Variants in NRXN1 observed in about 807,000 individuals in gnomAD.
The protein encoded by NRXN1 is neurexin 1, also known as neurexin-1.
NRXN1 carries 39 observed loss-of-function variants against 150.9 expected under a neutral mutation model. The observed-to-expected ratio is 0.26, with a 90% CI of 0.20 to 0.34. NRXN1 has a LOEUF of 0.34. Ranked by LOEUF, NRXN1 falls within the 10% of genes least tolerant of loss-of-function variation. The pLI is 1.00. For missense variants in NRXN1, 1,815 were observed against 1,949.9 expected, an observed-to-expected ratio of 0.93 and a Z score of 1.30; for synonymous variants, 924 against 757.0, an observed-to-expected ratio of 1.22 and a Z score of -3.62.
chr2:50,049,800 A>T (rs561050443), intron 21 of NRXN1, among the ~76,000 whole-genome samples: 1 of 152,154 alleles, frequency 6.6e-6, no homozygotes, highest in Admixed American at 6.5e-5. Flanking sequence ...CAGCCAAAAA[A>T]CTTGCATGAT....
At chr2:50,795,757 T>C (rs1394579833) in intron 5 of NRXN1, among the ~76,000 whole-genome samples, 1 of 152,194 alleles carries the variant, frequency 6.6e-6, no homozygotes, top group East Asian at 1.9e-4. Context: ...TACTCCTTGC[T>C]TCATTAATTA....
At chr2:51,011,287 T>C (rs373885469) in intron 2 of NRXN1, among the ~76,000 whole-genome samples, 2 of 152,032 alleles carry the variant, frequency 1.3e-5, no homozygotes, top group South Asian at 2.1e-4. Flanking sequence ...CTAACGTTTA[T>C]TGAACTCCTA....
At chr2:50,262,145 C>G (rs192820893) in intron 17 of NRXN1, among the ~76,000 whole-genome samples, 2 of 151,930 alleles carry the variant, frequency 1.3e-5, no homozygotes, top group African/African-American at 4.8e-5. Flanking sequence ...TTATTTCATT[C>G]TTATTTGACT....
At chr2:50,574,740 G>C (rs1331460449) in intron 8 of NRXN1, among the ~76,000 whole-genome samples, 2 of 152,160 alleles carry the variant, frequency 1.3e-5, no homozygotes, top group Non-Finnish European at 1.5e-5. Flanking sequence ...ACACCATACG[G>C]TAGTATTCTG....
At chr2:50,024,283 G>A (rs142274185) in intron 21 of NRXN1, among the ~76,000 whole-genome samples, 44 of 152,256 alleles carry the variant, frequency 2.9e-4, no homozygotes, top group Middle Eastern at 3.4e-3. Context: ...ACCTTAGACC[G>A]TGACTACTCA....
intron 5 of NRXN1, among the ~76,000 whole-genome samples, chr2:50,626,849 A>G (rs1024511753): frequency 7.2e-5 from 11 of 151,964 alleles, no homozygotes; most frequent in African/African-American, 2.4e-4. Flanking sequence ...ATTAATCAAC[A>G]AAGGATTATA....
intron 5 of NRXN1, among the ~76,000 whole-genome samples, chr2:50,903,082 C>T (rs1477232446): frequency 2.0e-5 from 3 of 151,962 alleles, no homozygotes; most frequent in Non-Finnish European, 4.4e-5. Flanking sequence ...GGCATGTATT[C>T]CCAACCAGCA....
At chr2:50,561,699 C>T (rs906311579) in intron 8 of NRXN1, among the ~76,000 whole-genome samples, 2 of 152,154 alleles carry the variant, frequency 1.3e-5, no homozygotes, top group Admixed American at 6.6e-5. Context: ...AAAGGTGACT[C>T]CAACTTTAAA....
At chr2:50,480,677 T>G (rs2104780057) in intron 15 of NRXN1, among the ~76,000 whole-genome samples, 1 of 152,274 alleles carries the variant, frequency 6.6e-6, no homozygotes, top group South Asian at 2.1e-4. Flanking sequence ...ACTCCTAAGG[T>G]TAGAGTCCTT....
chr2:50,434,043 A>ATCTTTTTTT (rs1553609855), intron 17 of NRXN1, among the ~76,000 whole-genome samples: 3 of 72,154 alleles, frequency 4.2e-5, no homozygotes, highest in Admixed American at 3.4e-4. Flanking sequence ...TATCTAAGCC[A>ATCTTTTTTT]TTTTTTTTTT....
chr2:50,184,718 C>T (rs1457821217), intron 18 of NRXN1, among the ~76,000 whole-genome samples: 1 of 150,994 alleles, frequency 6.6e-6, no homozygotes, highest in African/African-American at 2.5e-5. Flanking sequence ...CTCTCTGTCT[C>T]TCTCAATCTT....
At chr2:50,182,905 T>C (rs2060826677) in intron 18 of NRXN1, among the ~76,000 whole-genome samples, 1 of 152,046 alleles carries the variant, frequency 6.6e-6, no homozygotes, top group African/African-American at 2.4e-5. Flanking sequence ...TAATTAGAGC[T>C]CATGCAAGAC....
At chr2:50,410,180 A>C (rs1421746551) in intron 17 of NRXN1, among the ~76,000 whole-genome samples, 1 of 152,004 alleles carries the variant, frequency 6.6e-6, no homozygotes, top group African/African-American at 2.4e-5. Context: ...TAAGCCCTTC[A>C]CCAGGATAGA....
chr2:50,942,828 G>T (rs1287960007), intron 2 of NRXN1, among the ~76,000 whole-genome samples: 3 of 152,164 alleles, frequency 2.0e-5, no homozygotes, highest in Non-Finnish European at 4.4e-5. Context: ...AATGAGTTAA[G>T]GTCTTGGGGG....
At chr2:50,337,704 TGTGA>T (rs1441541122) in intron 17 of NRXN1, among the ~76,000 whole-genome samples, 11 of 152,212 alleles carry the variant, frequency 7.2e-5, no homozygotes, top group Non-Finnish European at 1.5e-4. Flanking sequence ...GAATTGGGGT[TGTGA>T]AGTAATCCCA....
chr2:50,077,306 A>T (rs562020897), intron 19 of NRXN1, among the ~76,000 whole-genome samples: 1 of 152,242 alleles, frequency 6.6e-6, no homozygotes, highest in African/African-American at 2.4e-5. Context: ...CTTCACCCCA[A>T]TGCTGGCGCA....
At chr2:51,025,169 G>A (rs142970584) in intron 2 of NRXN1, among the ~76,000 whole-genome samples, 27 of 152,140 alleles carry the variant, frequency 1.8e-4, no homozygotes, top group African/African-American at 4.1e-4. Context: ...TCTACGTTTC[G>A]TGGTGATCTT....
intron 5 of NRXN1, among the ~76,000 whole-genome samples, chr2:50,719,681 A>T (rs1314996259): frequency 6.6e-6 from 1 of 151,970 alleles, no homozygotes; most frequent in African/African-American, 2.4e-5. Flanking sequence ...GTCTAAAAAA[A>T]ACAAAAACAA....
intron 18 of NRXN1, among the ~76,000 whole-genome samples, chr2:50,147,647 T>G (rs1354504608): frequency 6.6e-6 from 1 of 151,684 alleles, no homozygotes; most frequent in African/African-American, 2.4e-5. Flanking sequence ...CCCTGCATTA[T>G]AAACACCATT....
Sources: gnomAD v4.1 joint callset for allele counts (sites outside exome capture counted in the v4.1 genomes callset) on GRCh38, gnomAD v4.1.1 for gene constraint, MANE v1.5 for transcripts, NCBI Gene and HGNC (gene_info 2026-07-23, HGNC 2026-07-21) for gene names.